Variants in LHFPL3 observed in about 807,000 individuals in gnomAD.
LHFPL3 encodes the protein LHFPL tetraspan subfamily member 3 protein.
Under a neutral mutation model 19.3 loss-of-function variants are expected in LHFPL3, and 5 were observed. The observed-to-expected ratio is 0.26, with a 90% CI of 0.14 to 0.54. The LOEUF (loss-of-function observed/expected upper bound fraction) is 0.54, where lower values mean the gene tolerates loss of function less well. Among genes scored for constraint, LHFPL3 ranks in the 20% least tolerant of loss-of-function variants. The probability of loss-of-function intolerance (pLI) is 0.94; values close to 1 mark genes in which losing one functional copy is unlikely to be tolerated. For missense variants in LHFPL3, 249 were observed against 307.4 expected (o/e 0.81, Z 1.42); for synonymous variants, 133 against 126.2 (o/e 1.05, Z -0.36).
chr7:104,360,707 G>A (rs1302843554), intron 1 of LHFPL3, among the ~76,000 whole-genome samples: 1 of 55,606 alleles, frequency 1.8e-5, no homozygotes, highest in Non-Finnish European at 3.3e-5. Context: ...GTGTGTGTGT[G>A]TGTGTGTGTG....
chr7:104,612,137 T>A (rs148452452), intron 1 of LHFPL3, among the ~76,000 whole-genome samples: 63 of 152,304 alleles, frequency 4.1e-4, no homozygotes, highest in African/African-American at 1.5e-3. Flanking sequence ...ATTACTTAAA[T>A]ATGTTTGGAA....
chr7:104,391,627 T>C (rs1186659385), intron 1 of LHFPL3, among the ~76,000 whole-genome samples: 6 of 152,174 alleles, frequency 3.9e-5, no homozygotes, highest in Non-Finnish European at 8.8e-5. Context: ...GTGACGCCTC[T>C]AGCTTTGTTC....
intron 1 of LHFPL3, among the ~76,000 whole-genome samples, chr7:104,356,707 A>T (rs1459009143): frequency 2.0e-5 from 3 of 152,334 alleles, no homozygotes; most frequent in Non-Finnish European, 4.4e-5. Flanking sequence ...ACACTGTGCT[A>T]GTCATTATAG....
chr7:104,490,640 G>T (rs1793324509), intron 1 of LHFPL3, among the ~76,000 whole-genome samples: 1 of 152,078 alleles, frequency 6.6e-6, no homozygotes, highest in African/African-American at 2.4e-5. Flanking sequence ...AGGGCCCACA[G>T]ATCTAAAGCG....
chr7:104,374,057 T>G (rs768922240), intron 1 of LHFPL3, among the ~76,000 whole-genome samples: 8 of 152,120 alleles, frequency 5.3e-5, no homozygotes, highest in Non-Finnish European at 1.2e-4. Context: ...ATTTATAGTT[T>G]GTAGGGCATG....
At chr7:104,460,603 T>C (rs1261937681) in intron 1 of LHFPL3, among the ~76,000 whole-genome samples, 1 of 152,206 alleles carries the variant, frequency 6.6e-6, no homozygotes, top group African/African-American at 2.4e-5. Context: ...TAATCAGTGA[T>C]ATTGAGGTTT....
chr7:104,775,984 G>A (rs1026493529), intron 2 of LHFPL3, among the ~76,000 whole-genome samples: 21 of 151,980 alleles, frequency 1.4e-4, no homozygotes, highest in Non-Finnish European at 2.4e-4. Context: ...TTGTTTAAAA[G>A]GAAAGAAGCT....
intron 1 of LHFPL3, among the ~76,000 whole-genome samples, chr7:104,434,609 T>C (rs1311121094): frequency 2.6e-5 from 4 of 152,134 alleles, no homozygotes; most frequent in Non-Finnish European, 4.4e-5. Flanking sequence ...ATACCTACTT[T>C]GACTGTGATA....
chr7:104,685,558 A>G (rs1792788960), intron 1 of LHFPL3, among the ~76,000 whole-genome samples: 1 of 152,126 alleles, frequency 6.6e-6, no homozygotes, highest in African/African-American at 2.4e-5. Context: ...GTCTTACTCA[A>G]TGAGCCAGAT....
chr7:104,873,945 GC>G (rs1481627750), intron 2 of LHFPL3, among the ~76,000 whole-genome samples: 1 of 152,202 alleles, frequency 6.6e-6, no homozygotes, highest in African/African-American at 2.4e-5. Flanking sequence ...GGGGGCAGGG[GC>G]CCACACTGGA....
chr7:104,767,815 C>T (rs1233241743), intron 2 of LHFPL3, among the ~76,000 whole-genome samples: 1 of 152,180 alleles, frequency 6.6e-6, no homozygotes, highest in Non-Finnish European at 1.5e-5. Flanking sequence ...ACCCATCAGA[C>T]TTGGTTTCTT....
chr7:104,410,298 A>G (rs181516362), intron 1 of LHFPL3, among the ~76,000 whole-genome samples: 2 of 152,184 alleles, frequency 1.3e-5, no homozygotes, highest in East Asian at 3.9e-4. Flanking sequence ...ACATCCAGCT[A>G]ATTTTTGTAT....
At chr7:104,459,249 G>T (rs552032420) in intron 1 of LHFPL3, among the ~76,000 whole-genome samples, 73 of 152,256 alleles carry the variant, frequency 4.8e-4, no homozygotes, top group African/African-American at 1.6e-3. Flanking sequence ...TTTCTGATAA[G>T]TTTCTAATGT....
chr7:104,415,428 T>C (rs1791602198), intron 1 of LHFPL3, among the ~76,000 whole-genome samples: 1 of 152,212 alleles, frequency 6.6e-6, no homozygotes, highest in Non-Finnish European at 1.5e-5. Context: ...CAATAAATTA[T>C]AGTATTGAAT....
chr7:104,823,398 G>C (rs1447642517), intron 2 of LHFPL3, among the ~76,000 whole-genome samples: 1 of 152,046 alleles, frequency 6.6e-6, no homozygotes, highest in East Asian at 1.9e-4. Context: ...GATCTCTTAA[G>C]GCCCTTCCAG....
At chr7:104,440,034 C>CGG (rs1562898032) in intron 1 of LHFPL3, among the ~76,000 whole-genome samples, 6 of 31,088 alleles carry the variant, frequency 1.9e-4, no homozygotes, top group African/African-American at 9.3e-4. Context: ...AATACAAAGC[C>CGG]TGGGGGGGGG....
chr7:104,758,206 G>C (rs529844515), intron 2 of LHFPL3, among the ~76,000 whole-genome samples: 12 of 152,268 alleles, frequency 7.9e-5, no homozygotes, highest in East Asian at 3.9e-4. Context: ...AGGGAAAGAA[G>C]TGGCAGGCAA....
intron 2 of LHFPL3, among the ~76,000 whole-genome samples, chr7:104,770,872 T>G (rs1316015249): frequency 6.6e-6 from 1 of 152,184 alleles, no homozygotes; most frequent in Non-Finnish European, 1.5e-5. Context: ...CTCCTCACCC[T>G]TGCAACTTGC....
chr7:104,668,248 G>A lies in LHFPL3; in HGVS notation c.446-68427G>A, dbSNP rs561633183. On this transcript the variant is annotated intron_variant, in intron 1 of 2. Transcript: ENST00000424859. ...GAGTCTCTAAGTAACAGGAGAATTC[G>A]AGTGGACGTTGCTGATCAAGCACTG... 3 of 1,612,278 alleles carry A rather than the reference G, an allele frequency of 1.9e-6. No individual in the cohort carries two copies. The East Asian group carries it at 6.7e-5, about 36-fold the overall frequency.
Sources: gnomAD v4.1 joint callset for allele counts (sites outside exome capture counted in the v4.1 genomes callset) on GRCh38, gnomAD v4.1.1 for gene constraint, MANE v1.5 for transcripts, NCBI Gene and HGNC (gene_info 2026-07-23, HGNC 2026-07-21) for gene names.